ARSK: variants seen among roughly 807,000 people sequenced by gnomAD.
ARSK encodes the protein arylsulfatase K.
Under a neutral mutation model 53.2 loss-of-function variants are expected in ARSK, and 37 were observed. The observed-to-expected ratio is 0.70, with a 90% confidence interval of 0.54 to 0.92. The LOEUF (loss-of-function observed/expected upper bound fraction) is 0.92, where lower values mean the gene tolerates loss of function less well. ARSK is among the 40% of genes least tolerant of loss of function. The pLI is 0.00. For missense variants in ARSK, 613 were observed against 643.0 expected (o/e 0.95, Z 0.51); for synonymous variants, 208 against 223.2 (o/e 0.93, Z 0.61).
chr5:95,556,133 A>G, intron 1 of ARSK: 1 of 696,014 alleles, frequency 1.4e-6, no homozygotes. Context: ...TACTGTGGTC[A>G]CACAGATGTT....
chr5:95,587,516 T>TA lies in ARSK; in HGVS notation c.871+792dup, dbSNP rs952997642. On this transcript the variant is annotated intron_variant, in intron 5 of 7. Coordinates refer to ENST00000380009, the MANE Select transcript of ARSK (RefSeq NM_198150.3). ...GAAATGACAAGTGAATGTTTTTTGT[T>TA]AAAAAAAAATTCACTGGGTAAAAAT... Among the ~76,000 whole-genome samples the TA allele has an allele frequency of 1.7e-4, 26 of 151,340 alleles. No individual in the cohort carries two copies. In the South Asian group the frequency reaches 2.5e-3, roughly 15 times the overall value.
chr5:95,601,095 A>G, intron 7 of ARSK, 24 bp downstream of exon 7: 1 of 1,582,734 alleles, frequency 6.3e-7, no homozygotes, highest in Non-Finnish European at 8.7e-7. Flanking sequence ...TATATTTTTA[A>G]GTGTAATATT....
intron 1 of ARSK, among the ~76,000 whole-genome samples, chr5:95,559,852 G>T (rs567932270): frequency 6.6e-6 from 1 of 152,194 alleles, no homozygotes; most frequent in Non-Finnish European, 1.5e-5. Flanking sequence ...TCTAGCCACA[G>T]AATTAGAAAA....
chr5:95,583,131 C>T lies in ARSK; in HGVS notation c.632C>T (p.Pro211Leu), dbSNP rs748456760. ...GGATTAAATTTACCACACCCTTACC[C>T]TTCACCATCTTCTGGAGAAAATTTT... ...YLGLNLPHPYPSPSSGENFGS... is the reference protein window; with the variant it reads ...YLGLNLPHPYLSPSSGENFGS... The change falls in exon 4 of 8, where the codon CCT becomes CTT. Residue 211 changes from proline to leucine, a missense_variant. By Grantham distance (98) the Pro-to-Leu change is moderately conservative. Coordinates refer to ENST00000380009, the MANE Select transcript of ARSK (RefSeq NM_198150.3). The T allele has an allele frequency of 6.2e-7, 1 of 1,607,330 alleles. No individual in the cohort carries two copies. The highest frequency in any genetic ancestry group is 1.7e-5 in the Admixed American group (1 of 59,688).
At chr5:95,578,032 G>A (rs1748954744) in intron 3 of ARSK, among the ~76,000 whole-genome samples, 1 of 152,126 alleles carries the variant, frequency 6.6e-6, no homozygotes, top group Admixed American at 6.6e-5. Flanking sequence ...AATTTGCCAG[G>A]GTAGATGTTA....
At chr5:95,562,154 T>C (rs1748646436) in intron 1 of ARSK, among the ~76,000 whole-genome samples, 1 of 152,130 alleles carries the variant, frequency 6.6e-6, no homozygotes, top group South Asian at 2.1e-4. Context: ...GAGGTTGCAG[T>C]GAACCGAGAT....
At chr5:95,598,153 C>T (rs911777048) in intron 6 of ARSK, among the ~76,000 whole-genome samples, 4 of 152,084 alleles carry the variant, frequency 2.6e-5, no homozygotes, top group East Asian at 1.9e-4. Context: ...TGCATTTTTA[C>T]CATTTGTTTA....
chr5:95,569,916 A>G (rs937496208), intron 3 of ARSK, among the ~76,000 whole-genome samples: 1 of 152,206 alleles, frequency 6.6e-6, no homozygotes, highest in Non-Finnish European at 1.5e-5. Context: ...TGACATTCCT[A>G]TTCTTTACTC....
chr5:95,604,713 T>G lies in ARSK; in HGVS notation c.*1187T>G, dbSNP rs911611296. ...TTTGCCAACCTAACAGATAAAAATG[T>G]TCTATTTTTATTTTTCTTTTTATGA... On this transcript the variant is annotated 3_prime_UTR_variant, in exon 8 of 8. Coordinates refer to ENST00000380009, the MANE Select transcript of ARSK (RefSeq NM_198150.3). 1 of 152,192 alleles carries G rather than the reference T, an allele frequency of 6.6e-6. No individual in the cohort carries two copies. Among genetic ancestry groups the G allele is most frequent in the Non-Finnish European group, 1.5e-5 (1 of 68,028 alleles). 9.4% of individuals were successfully genotyped at this position (152,192 alleles called of 1,614,324 possible). A position where few individuals can be genotyped will look rare whatever the true frequency, so the allele number is the denominator to read the frequency against.
intron 3 of ARSK, among the ~76,000 whole-genome samples, chr5:95,576,596 G>A (rs946824836): frequency 1.3e-5 from 2 of 151,660 alleles, no homozygotes; most frequent in African/African-American, 4.8e-5. Flanking sequence ...TAAGTTTTTT[G>A]GATTGGAACC....
chr5:95,581,033 G>A, intron 3 of ARSK: 2 of 674,676 alleles, frequency 3.0e-6, no homozygotes, highest in South Asian at 1.9e-5. Context: ...TTAAGTACCA[G>A]CAATTATGGG....
At chr5:95,569,207 C>T (rs1444025323) in intron 3 of ARSK, among the ~76,000 whole-genome samples, 1 of 152,030 alleles carries the variant, frequency 6.6e-6, no homozygotes, top group African/African-American at 2.4e-5. Flanking sequence ...ATTACAGTGC[C>T]TCTTTCTTAC....
chr5:95,597,904 A>AAGG (rs1479409515), intron 6 of ARSK, among the ~76,000 whole-genome samples: 2 of 136,582 alleles, frequency 1.5e-5, no homozygotes, highest in African/African-American at 2.7e-5. Flanking sequence ...AAAAAAAAAA[A>AAGG]GTGGGGGGCG....
chr5:95,558,115 C>T (rs1314096743), intron 1 of ARSK, among the ~76,000 whole-genome samples: 1 of 152,196 alleles, frequency 6.6e-6, no homozygotes, highest in East Asian at 1.9e-4. Context: ...GATTTCTCAT[C>T]TTCTCCTAAT....
intron 6 of ARSK, among the ~76,000 whole-genome samples, chr5:95,599,704 GTCT>G: frequency 6.6e-6 from 1 of 152,190 alleles, no homozygotes; most frequent in African/African-American, 2.4e-5. Flanking sequence ...ACTTGTGATA[GTCT>G]TCTTCCAAGG....
intron 1 of ARSK, among the ~76,000 whole-genome samples, chr5:95,564,054 T>G (rs1178963661): frequency 6.7e-6 from 1 of 149,340 alleles, no homozygotes. Flanking sequence ...CTCAGCTCAC[T>G]GCAACCTCTG....
chr5:95,591,461 C>T lies in ARSK; in HGVS notation c.932C>T (p.Ser311Phe), dbSNP rs367771560. The change falls in exon 6 of 8, where the codon TCC becomes TTC. Residue 311 changes from serine (S) to phenylalanine (F), a missense_variant. By Grantham distance (155) the Ser-to-Phe change is radical. Coordinates refer to ENST00000380009, the MANE Select transcript of ARSK (RefSeq NM_198150.3). ...DLLQKTIVIYSSDHGELAMEH... is the reference protein window; with the variant it reads ...DLLQKTIVIYFSDHGELAMEH... ...CTTCAGAAAACTATTGTCATATACT[C>T]CTCAGACCATGGAGAGCTGGCCATG... The T allele has an allele frequency of 4.8e-5, 77 of 1,613,938 alleles. No homozygotes were observed. The highest frequency in any genetic ancestry group is 5.9e-5 in the Non-Finnish European group (70 of 1,179,990).
chr5:95,603,303 T>C lies in ARSK; in HGVS notation c.1388T>C (p.Leu463Ser), dbSNP rs908014956. Reference protein sequence around the residue: ...AVKFPEITYSLDQKLHSIINY... With the variant: ...AVKFPEITYSSDQKLHSIINY... The stretch of plus-strand genomic sequence containing the variant: ...AAATTTCCAGAAATTACTTATTCTT[T>C]GGATCAGAAGCTTCATTCCATTATA... The change falls in exon 8 of 8, where the codon TTG (leucine) becomes TCG (serine). Residue 463 changes from leucine (L) to serine (S), a missense_variant. By Grantham distance (145) the Leu-to-Ser change is moderately radical (BLOSUM62 -2). Coordinates refer to ENST00000380009, the MANE Select transcript of ARSK (RefSeq NM_198150.3). 12 of 1,603,860 alleles carry C rather than the reference T, an allele frequency of 7.5e-6. No homozygotes were observed. The highest frequency in any genetic ancestry group is 1.0e-5 in the Non-Finnish European group (12 of 1,175,862).
intron 3 of ARSK, chr5:95,580,815 C>A: frequency 2.7e-6 from 2 of 731,372 alleles, no homozygotes; most frequent in Non-Finnish European, 4.0e-6. Flanking sequence ...GTATATTCAT[C>A]TACTGAATAC....
Sources: gnomAD v4.1 joint callset for allele counts (sites outside exome capture counted in the v4.1 genomes callset) on GRCh38, gnomAD v4.1.1 for gene constraint, MANE v1.5 for transcripts, NCBI Gene and HGNC (gene_info 2026-07-23, HGNC 2026-07-21) for gene names.